The following STAU1 variants were observed in gnomAD, a reference collection of about 807,000 sequenced individuals.
The protein encoded by STAU1 is double-stranded RNA-binding protein Staufen homolog 1.
Under a neutral mutation model 62.9 loss-of-function variants are expected in STAU1, and 13 were observed. That is an observed-to-expected ratio of 0.21 (90% CI 0.13 to 0.33). The LOEUF (loss-of-function observed/expected upper bound fraction) is 0.33, where lower values mean the gene tolerates loss of function less well. Among genes scored for constraint, STAU1 ranks in the 10% least tolerant of loss-of-function variants. The pLI is 1.00. For missense variants in STAU1, 571 were observed against 712.1 expected (o/e 0.80, Z 2.25); for synonymous variants, 269 against 265.1 (o/e 1.01, Z -0.14).
In STAU1 at chr20:49,154,087, G is replaced by A. The variant is rs773265873; in HGVS notation, c.206-16C>T. ...GTTATGCTTTCTGCAAGAAAGAATC[G>A]ACAAAGAACTGTTTTTTTCTGGTAT... On this transcript the variant is annotated splice_polypyrimidine_tract_variant and intron_variant, in intron 3 of 13. Coordinates refer to ENST00000371856, the MANE Select transcript of STAU1 (RefSeq NM_017453.4). 5.7e-6 allele frequency: 9 copies of A among 1,585,202 alleles called. No individual in the cohort carries two copies. The highest frequency in any genetic ancestry group is 4.5e-5 in the East Asian group (2 of 44,542).
chr20:49,193,973 G>A, the STAU1 span, among the ~76,000 whole-genome samples: 25 of 147,768 alleles, frequency 1.7e-4, no homozygotes, highest in Non-Finnish European at 1.6e-4. Context: ...TCAGAAAAAA[G>A]AAAAAAAAAA....
chr20:49,123,321 AAG>A, intron 7 of STAU1, 86 bp from the exon 8 acceptor site: 1 of 1,594,108 alleles, frequency 6.3e-7, no homozygotes, highest in South Asian at 1.1e-5. Flanking sequence ...GAGAGGAGAT[AAG>A]AGATTTTGGG....
the STAU1 span, among the ~76,000 whole-genome samples, chr20:49,211,856 T>C: frequency 6.6e-6 from 1 of 152,116 alleles, no homozygotes; most frequent in African/African-American, 2.4e-5. Flanking sequence ...CCAGAGTACC[T>C]GGCTGTCATA....
In STAU1 at chr20:49,155,132, A is replaced by C. The variant is rs1408603082; in HGVS notation, c.206-1061T>G. The stretch of plus-strand genomic sequence containing the variant: ...ATTCCTGCCCCAGAGGAGTTCAAAA[A>C]ACACAAAGCACACTCAAAGAGTTAC... On this transcript the variant is annotated intron_variant, in intron 3 of 13. Coordinates refer to ENST00000371856, the MANE Select transcript of STAU1 (RefSeq NM_017453.4). Among the ~76,000 whole-genome samples the C allele has an allele frequency of 4.6e-5, 7 of 152,244 alleles. No homozygotes were observed. The East Asian group carries it at 9.6e-4, about 21-fold the overall frequency.
chr20:49,118,731 T>G (rs1004569147), intron 9 of STAU1, among the ~76,000 whole-genome samples: 1 of 152,162 alleles, frequency 6.6e-6, no homozygotes, highest in African/African-American at 2.4e-5. Context: ...TGCTAGACGG[T>G]AGAGCCCACC....
chr20:49,115,864 C>T lies in STAU1; in HGVS notation c.1636G>A (p.Ala546Thr). The T allele has an allele frequency of 6.2e-7, 1 of 1,613,984 alleles. No homozygotes were observed. The highest frequency in any genetic ancestry group is 8.5e-7 in the Non-Finnish European group (1 of 1,179,902). The change falls in exon 13 of 14, where the codon GCG (alanine) becomes ACG (threonine). Residue 546 changes from alanine (A) to threonine (T), a missense_variant. Physicochemically the swap from Ala to Thr is moderately conservative, Grantham distance 58. Transcript: ENST00000371856. ...GACAGCAACTTTAAGATGTTCAGCG[C>T]AGCCTAGTGGGGATGGAAAGAAGGG... is the stretch of plus-strand genomic sequence containing the variant. ...KDVESCHDMA[A>T]LNILKLLSEL...
chr20:49,215,054 C>T, the STAU1 span, among the ~76,000 whole-genome samples: 7 of 152,282 alleles, frequency 4.6e-5, no homozygotes, highest in African/African-American at 1.2e-4. Context: ...GGCTGTGCTC[C>T]CTAAAGACCT....
chr20:49,200,096 T>A, the STAU1 span, among the ~76,000 whole-genome samples: 1 of 152,320 alleles, frequency 6.6e-6, no homozygotes, highest in Non-Finnish European at 1.5e-5. Context: ...AAGTTTAAGA[T>A]ATACTTATCA....
intron 5 of STAU1, 146 bp downstream of exon 5, chr20:49,151,436 A>G: frequency 1.3e-6 from 1 of 791,530 alleles, no homozygotes; most frequent in Non-Finnish European, 1.8e-6. Context: ...CAAGAAAGCT[A>G]CAGAGCATAA....
chr20:49,154,818 C>A (rs2093330721), intron 3 of STAU1, among the ~76,000 whole-genome samples: 1 of 151,334 alleles, frequency 6.6e-6, no homozygotes, highest in Non-Finnish European at 1.5e-5. Flanking sequence ...GTGAGGGTGG[C>A]TCACACCTGT....
At chr20:49,168,909 GA>G (rs2093561515) in intron 2 of STAU1, among the ~76,000 whole-genome samples, 1 of 150,856 alleles carries the variant, frequency 6.6e-6, no homozygotes, top group Non-Finnish European at 1.5e-5. Flanking sequence ...GACAGGAAAA[GA>G]AAATCCCCTT....
At chr20:49,201,044 CAAAAAAAAAAA>C in the STAU1 span, among the ~76,000 whole-genome samples, 8 of 31,498 alleles carry the variant, frequency 2.5e-4, no homozygotes, top group Non-Finnish European at 2.8e-4. Context: ...GACCCACTCT[CAAAAAAAAAAA>C]AAAAAAAAAA....
In STAU1 at chr20:49,150,585, T is replaced by C. The variant is rs950639351; in HGVS notation, c.510+997A>G. On this transcript the variant is annotated intron_variant, in intron 5 of 13. Transcript: ENST00000371856. ...ACCATCTTAGCCAGGATGGTCTCAA[T>C]CTCCTGACCTCATGATCCACCCGCC... Among the ~76,000 whole-genome samples, 14 of 152,164 alleles carry C rather than the reference T, an allele frequency of 9.2e-5. No individual in the cohort carries two copies. In the East Asian group the frequency reaches 2.7e-3, roughly 29 times the overall value.
chr20:49,134,996 C>G, intron 6 of STAU1: 1 of 1,601,760 alleles, frequency 6.2e-7, no homozygotes, highest in Non-Finnish European at 8.5e-7. Context: ...GAACAAGAGT[C>G]TTTCAGGACC....
Position 49,122,967 on chromosome 20 carries a change from C to T in STAU1, c.966+125G>A, listed in dbSNP as rs1449013972. 7.2e-5 allele frequency: 63 copies of T among 877,758 alleles called. No individual in the cohort carries two copies. The East Asian group carries it at 1.5e-3, about 21-fold the overall frequency. The allele number at this position is 877,758 out of a possible 1,614,324, so 54.4% of individuals were successfully genotyped here. ...TAAATAAATAAATAAGGATCACAGT[C>T]GCTGGCAGAACATGGCCCACAGGAT... On this transcript the variant is annotated intron_variant, in intron 8 of 13. Transcript: ENST00000371856.
the STAU1 span, among the ~76,000 whole-genome samples, chr20:49,208,040 C>T: frequency 6.6e-6 from 1 of 151,816 alleles, no homozygotes; most frequent in African/African-American, 2.4e-5. Flanking sequence ...ACCACCACAC[C>T]CAGCTAATTT....
the STAU1 span, among the ~76,000 whole-genome samples, chr20:49,216,033 A>AAAAAAAAAAG: frequency 1.9e-5 from 2 of 104,542 alleles, no homozygotes; most frequent in African/African-American, 4.5e-5. Flanking sequence ...AAAAAAAAAA[A>AAAAAAAAAAG]AAGAAGAAGA....
intron 2 of STAU1, among the ~76,000 whole-genome samples, chr20:49,169,067 T>C (rs1442639160): frequency 6.6e-6 from 1 of 151,894 alleles, no homozygotes; most frequent in Non-Finnish European, 1.5e-5. Flanking sequence ...TTTCCTGCCT[T>C]AGTCTCCCGA....
intron 5 of STAU1, among the ~76,000 whole-genome samples, chr20:49,149,251 AACACAC>A (rs34854738): frequency 6.4e-4 from 84 of 132,028 alleles, no homozygotes; most frequent in Middle Eastern, 3.7e-3. Context: ...ACTGTCTCAA[AACACAC>A]ACACACACAC....
Sources: allele counts gnomAD v4.1 joint callset (sites outside exome capture counted in the v4.1 genomes callset), GRCh38; gene constraint gnomAD v4.1.1; transcripts MANE v1.5; gene names NCBI Gene and HGNC (gene_info 2026-07-23, HGNC 2026-07-21).